SEPTIN8: variants seen among roughly 807,000 people sequenced by gnomAD.
SEPTIN8 encodes the protein septin 8, also known as septin-8.
Under a neutral mutation model 53.1 loss-of-function variants are expected in SEPTIN8, and 22 were observed. The ratio of observed to expected loss-of-function variants is 0.41; its 90% CI spans 0.30 to 0.59. The LOEUF is 0.59. Among genes scored for constraint, SEPTIN8 ranks in the 20% least tolerant of loss-of-function variants. The probability of loss-of-function intolerance (pLI) is 0.24; values close to 1 mark genes in which losing one functional copy is unlikely to be tolerated. For synonymous variants in SEPTIN8, 228 were observed against 248.4 expected (o/e 0.92, Z 0.77); for missense variants, 536 against 638.7 (o/e 0.84, Z 1.73).
At chr5:132,753,203 C>A in intron 9 of SEPTIN8, 1 of 495,210 alleles carries the variant, frequency 2.0e-6, no homozygotes, top group Non-Finnish European at 3.6e-6. Flanking sequence ...ACCCTGTCTT[C>A]CCTTTTTCTC....
chr5:132,756,848 G>A, intron 9 of SEPTIN8: 1 of 985,430 alleles, frequency 1.0e-6, no homozygotes, highest in Non-Finnish European at 1.2e-6. Flanking sequence ...AGAGTCCTAG[G>A]TTGGCCCATG....
At chr5:132,772,860 C>T (rs1206602956) in intron 1 of SEPTIN8, among the ~76,000 whole-genome samples, 1 of 152,222 alleles carries the variant, frequency 6.6e-6, no homozygotes, top group Non-Finnish European at 1.5e-5. Flanking sequence ...CCCCAAGCAT[C>T]AGGCAGCCCA....
At position 132,760,963 on chromosome 5, in the gene SEPTIN8, C is replaced by A; in HGVS notation, c.1125G>T (p.Arg375=). ...CCTTGCGCTTCTCCTCCTGGTGGACCCGCTTCAGGTGCTCAAACTTCTCAT... is the reference window on the plus strand; with the variant it reads ...CCTTGCGCTTCTCCTCCTGGTGGACACGCTTCAGGTGCTCAAACTTCTCAT... The part of the protein sequence containing the change: ...ELHEKFEHLK[R]VHQEEKRKVE... The change falls in exon 9 of 10, where the codon CGG becomes CGT. Residue 375 remains arginine (R), a synonymous_variant. Transcript: ENST00000378719. The surrounding 1 kb of genome is among the most constrained non-coding windows in gnomAD (Gnocchi z 5.2). 1.3e-6 allele frequency: 2 copies of A among 1,584,790 alleles called. No individual in the cohort carries two copies. The highest frequency in any genetic ancestry group is 1.7e-6 in the Non-Finnish European group (2 of 1,166,740).
In SEPTIN8 at chr5:132,760,974, G is replaced by T. The variant is rs1270640877; in HGVS notation, c.1114C>A (p.His372Asn). The change falls in exon 9 of 10, where the codon CAC (histidine) becomes AAC (asparagine). Residue 372 changes from histidine (H) to asparagine (N), a missense_variant. Transcript: ENST00000378719. The surrounding 1 kb of genome is among the most constrained non-coding windows in gnomAD (Gnocchi z 5.2). The part of the protein sequence containing the change: ...KERELHEKFE[H>N]LKRVHQEEKR... ...TCCTCCTGGTGGACCCGCTTCAGGT[G>T]CTCAAACTTCTCATGGAGCTGGCAT... The T allele has an allele frequency of 1.3e-6, 2 of 1,582,228 alleles. No homozygotes were observed. The highest frequency in any genetic ancestry group is 3.6e-5 in the Admixed American group (2 of 56,158).
chr5:132,757,943 G>C, intron 9 of SEPTIN8: 1 of 985,968 alleles, frequency 1.0e-6, no homozygotes, highest in Non-Finnish European at 1.2e-6. Flanking sequence ...TTTACATTTG[G>C]AATATGCAGG....
rs575416996 is a variant in SEPTIN8, at chr5:132,751,623, G to A, written c.*393C>T. 26 of 342,458 alleles carry A rather than the reference G, an allele frequency of 7.6e-5. No homozygotes were observed. The East Asian group carries it at 9.3e-4, about 12-fold the overall frequency. The allele number at this position is 342,458 out of a possible 1,614,324, so 21.2% of individuals were successfully genotyped here. On this transcript the variant is annotated 3_prime_UTR_variant, in exon 10 of 10. Transcript: ENST00000378719. Reference sequence around the variant, plus strand: ...CACCGTTGCCAAGTTGCAGAGTTTCGTCTTATGATAAGCAGATACAAGTAA... The same window carrying A: ...CACCGTTGCCAAGTTGCAGAGTTTCATCTTATGATAAGCAGATACAAGTAA...
intron 9 of SEPTIN8, chr5:132,754,321 C>T: frequency 1.4e-6 from 1 of 696,736 alleles, no homozygotes; most frequent in South Asian, 1.6e-5. Flanking sequence ...TCACAGCTTC[C>T]AGTGGTGGCC....
chr5:132,762,346 TC>T, intron 5 of SEPTIN8, 137 bp downstream of exon 5: 1 of 829,536 alleles, frequency 1.2e-6, no homozygotes, highest in Non-Finnish European at 1.9e-6. Flanking sequence ...ACTGGCCAGC[TC>T]CAGATGCCCA....
upstream of SEPTIN8, chr5:132,777,408 G>C: frequency 9.9e-7 from 1 of 1,006,366 alleles, no homozygotes; most frequent in Non-Finnish European, 1.2e-6. The surrounding 1 kb of genome is among the most constrained non-coding windows in gnomAD (Gnocchi z 4.1). Flanking sequence ...GGCGAGGCGG[G>C]AGGTGCCAGC....
chr5:132,752,032 C>T lies in SEPTIN8; in HGVS notation c.1436G>A (p.Arg479Lys). The change falls in exon 10 of 10, where the codon AGG becomes AAG. Residue 479 changes from arginine (R) to lysine (K), a missense_variant. Physicochemically the swap from Arg to Lys is conservative, Grantham distance 26. Around this residue, in one of 3 missense-constraint regions of SEPTIN8, gnomAD observed 133 missense variants for 157.4 expected, o/e 0.84. Transcript: ENST00000378719. ...GCTGCTGCCTCAGAGGAATCCTTCC[C>T]TCCACGTCGCATCCCTGACCAGGCA... is the stretch of plus-strand genomic sequence containing the variant. Reference protein sequence around the residue: ...CSCLVRDATWREGFL With the variant: ...CSCLVRDATWKEGFL 1 of 1,611,810 alleles carries T rather than the reference C, an allele frequency of 6.2e-7. No individual in the cohort carries two copies. The highest frequency in any genetic ancestry group is 8.5e-7 in the Non-Finnish European group (1 of 1,179,172).
At chr5:132,758,530 CT>C in intron 9 of SEPTIN8, 1 of 1,613,434 alleles carries the variant, frequency 6.2e-7, no homozygotes, top group Non-Finnish European at 8.5e-7. Context: ...AATAGTGACA[CT>C]GTAAATGGAA....
At position 132,761,827 on chromosome 5, in the gene SEPTIN8, G is replaced by A. The variant is rs1391824713; in HGVS notation, c.766C>T (p.Arg256Trp). The change falls in exon 6 of 10, where the codon CGG (arginine) becomes TGG (tryptophan). Residue 256 changes from arginine (R) to tryptophan (W), a missense_variant. Transcript: ENST00000378719. The surrounding 1 kb of genome is among the most constrained non-coding windows in gnomAD (Gnocchi z 5.8). ...VKVGNKLVRARQYPWGVVQVE... is the reference protein window; with the variant it reads ...VKVGNKLVRAWQYPWGVVQVE... Reference sequence around the variant, plus strand: ...TGCACCACTCCCCAGGGGTACTGCCGTGCTCGGACCAGCTTGTTCCCCACC... The same window carrying A: ...TGCACCACTCCCCAGGGGTACTGCCATGCTCGGACCAGCTTGTTCCCCACC... 11 of 1,608,852 alleles carry A rather than the reference G, an allele frequency of 6.8e-6. No homozygotes were observed. The highest frequency in any genetic ancestry group is 9.3e-6 in the Non-Finnish European group (11 of 1,177,762).
At chr5:132,779,652 GTTATT>G (rs1209634929), upstream of SEPTIN8, among the ~76,000 whole-genome samples, 3 of 152,204 alleles carry the variant, frequency 2.0e-5, no homozygotes, top group East Asian at 1.9e-4. Context: ...AAGTGTACTT[GTTATT>G]TTATTTATTA....
At position 132,759,057 on chromosome 5, in the gene SEPTIN8, A is replaced by G. The variant is rs1263801473; in HGVS notation, c.1286+1745T>C. 2.7e-5 allele frequency: 18 copies of G among 677,868 alleles called. No individual in the cohort carries two copies. The East Asian group carries it at 4.0e-4, about 15-fold the overall frequency. The allele number at this position is 677,868 out of a possible 1,614,324, so 42.0% of individuals were successfully genotyped here. A position where few individuals can be genotyped will look rare whatever the true frequency, so the allele number is the denominator to read the frequency against. Reference sequence around the variant, plus strand: ...AAATTTGGATTCAAATTTAAAGAGTATGCATAACCAATCAAAACCACTCAA... The same window carrying G: ...AAATTTGGATTCAAATTTAAAGAGTGTGCATAACCAATCAAAACCACTCAA... On this transcript the variant is annotated intron_variant, in intron 9 of 9. Transcript: ENST00000378719.
intron 9 of SEPTIN8, chr5:132,758,994 C>CTAAG: frequency 1.3e-6 from 1 of 756,542 alleles, no homozygotes; most frequent in South Asian, 1.5e-5. Flanking sequence ...GTGTCCCAGG[C>CTAAG]TAAGGGTCAA....
At chr5:132,752,330 C>A in intron 9 of SEPTIN8, 149 bp from the exon 10 acceptor site, 1 of 1,090,698 alleles carries the variant, frequency 9.2e-7, no homozygotes, top group Non-Finnish European at 1.3e-6. Flanking sequence ...AAAGAGTCTG[C>A]CCAAAGGCTA....
chr5:132,764,350 G>A lies in SEPTIN8; in HGVS notation c.221C>T (p.Ala74Val), dbSNP rs775409091. The A allele has an allele frequency of 2.5e-6, 4 of 1,614,220 alleles. No homozygotes were observed. Among genetic ancestry groups the A allele is most frequent in the Admixed American group, 3.3e-5 (2 of 60,024 alleles). Residue 74 changes from alanine to valine, a missense_variant, in exon 3 of 10, where the codon GCC becomes GTC. Ala to Val is a moderately conservative substitution (Grantham distance 64). Around this residue, in one of 3 missense-constraint regions of SEPTIN8, gnomAD observed 395 missense variants for 451.8 expected, o/e 0.87. Transcript: ENST00000378719. ...LFNTTFETEE[A>V]SHHEACVRLR... The stretch of plus-strand genomic sequence containing the variant: ...GCGCACGCATGCCTCATGGTGACTG[G>A]CTTCCTCAGTCTCGAAGGTCGTGTT...
At chr5:132,770,055 G>C (rs1316923929) in intron 1 of SEPTIN8, among the ~76,000 whole-genome samples, 1 of 81,118 alleles carries the variant, frequency 1.2e-5, no homozygotes, top group African/African-American at 4.6e-5. Context: ...GTGTGTGTGT[G>C]TGTGTGTGTA....
intron 1 of SEPTIN8, among the ~76,000 whole-genome samples, chr5:132,768,007 G>A (rs1045515631): frequency 1.4e-5 from 2 of 144,818 alleles, no homozygotes; most frequent in African/African-American, 5.0e-5. Flanking sequence ...AGCACTTACT[G>A]AGAAGCAGAG....
Sources: allele counts gnomAD v4.1 joint callset (sites outside exome capture counted in the v4.1 genomes callset), GRCh38; gene constraint gnomAD v4.1.1; regional missense constraint gnomAD v4.1.1; non-coding constraint Gnocchi (gnomAD v3.1); transcripts MANE v1.5; gene names NCBI Gene and HGNC (gene_info 2026-07-23, HGNC 2026-07-21).